The following ABITRAM variants were observed in gnomAD, a reference collection of about 807,000 sequenced individuals.
ABITRAM encodes actin binding transcription modulator, also known as protein Abitram.
A neutral mutation model predicts 22.9 loss-of-function variants in ABITRAM; 19 were observed. The observed-to-expected ratio is 0.83, with a 90% CI of 0.58 to 1.22. The LOEUF (loss-of-function observed/expected upper bound fraction) is 1.22. Among genes scored for constraint, ABITRAM ranks in the 50% most tolerant of loss-of-function variants. ABITRAM has a pLI of 0.00. For missense variants in ABITRAM, 215 were observed against 220.2 expected, an observed-to-expected ratio of 0.98 and a Z score of 0.15; for synonymous variants, 70 against 73.9, an observed-to-expected ratio of 0.95 and a Z score of 0.27.
Position 108,934,600 on chromosome 9 carries a change from G to T in ABITRAM, c.79+35G>T, listed in dbSNP as rs748708421. On this transcript the variant is annotated intron_variant, in intron 1 of 5. Coordinates refer to ENST00000322940, the MANE Select transcript of ABITRAM (RefSeq NM_017832.4). ...GAGTGATGTTGATCCCTCCTTGGCCGCACTGGCCTAATGCTGTGTAGACTA... is the reference window on the plus strand; with the variant it reads ...GAGTGATGTTGATCCCTCCTTGGCCTCACTGGCCTAATGCTGTGTAGACTA... 2.6e-6 allele frequency: 4 copies of T among 1,561,204 alleles called. No individual in the cohort carries two copies. The African/African-American group carries it at 4.2e-5, about 16-fold the overall frequency.
downstream of ABITRAM, among the ~76,000 whole-genome samples, chr9:108,945,302 TA>T (rs1830367754): frequency 6.6e-6 from 1 of 152,180 alleles, no homozygotes; most frequent in Non-Finnish European, 1.5e-5. Flanking sequence ...CATCATCCCA[TA>T]AACTTTAAAT....
rs371423612 is a variant in ABITRAM at position 108,950,607 on chromosome 9, G to T, written c.*14G>T. Reference sequence around the variant, plus strand: ...CCCCACTCTTAATCCTCCTTCTATAGGAAGGAATCTTCACGAGCACAGGAT... The same window carrying T: ...CCCCACTCTTAATCCTCCTTCTATATGAAGGAATCTTCACGAGCACAGGAT... On this transcript the variant is annotated 3_prime_UTR_variant, in exon 4 of 4. Coordinates refer to the ABITRAM transcript ENST00000374624. 5 of 1,549,244 alleles carry T rather than the reference G, an allele frequency of 3.2e-6. No individual in the cohort carries two copies. In the Admixed American group the frequency reaches 9.9e-5, roughly 31 times the overall value.
At chr9:108,936,883 C>T (rs1377108188) in intron 3 of ABITRAM, among the ~76,000 whole-genome samples, 1 of 151,916 alleles carries the variant, frequency 6.6e-6, no homozygotes, top group Non-Finnish European at 1.5e-5. Context: ...AAAACATGGG[C>T]CGGTCACAAT....
At chr9:108,947,278 G>A (rs545141800) in intron 3 of ABITRAM, among the ~76,000 whole-genome samples, 4 of 152,000 alleles carry the variant, frequency 2.6e-5, no homozygotes, top group South Asian at 2.1e-4. Context: ...CACACCCAGC[G>A]AATTTTGTGT....
chr9:108,935,686 A>C lies in ABITRAM; in HGVS notation c.128A>C (p.Asn43Thr). 6.2e-7 allele frequency: 1 copy of C among 1,612,068 alleles called. No individual in the cohort carries two copies. The highest frequency in any genetic ancestry group is 8.5e-7 in the Non-Finnish European group (1 of 1,178,770). The change falls in exon 2 of 6, where the codon AAC (asparagine) becomes ACC (threonine). Residue 43 changes from asparagine to threonine, a missense_variant. Transcript: ENST00000322940. ...GACCACTGTATACTACAGCACTCTA[A>C]CCGGTAAGCAAATTGGGAATTTTAA... is the stretch of plus-strand genomic sequence containing the variant. ...CEDHCILQHS[N>T]RICVITLAES...
Position 108,938,687 on chromosome 9 carries a change from C to T in ABITRAM, c.262-509C>T, listed in dbSNP as rs1361992941. On this transcript the variant is annotated intron_variant, in intron 3 of 5. Transcript: ENST00000322940. The stretch of plus-strand genomic sequence containing the variant: ...CCCTTACTAACACACTGGGGAATTA[C>T]AAAGGGGGGGGGGGGAAAGAACAAT... 3.9e-5 allele frequency among the ~76,000 whole-genome samples: 4 copies of T among 103,828 alleles called. No homozygotes were observed. The Admixed American group carries it at 4.7e-4, about 12-fold the overall frequency. 68.1% of individuals were successfully genotyped at this position (103,828 alleles called of 152,430 possible).
At chr9:108,943,893 G>C, downstream of ABITRAM, 1 of 1,596,560 alleles carries the variant, frequency 6.3e-7, no homozygotes, top group Non-Finnish European at 8.6e-7. Flanking sequence ...TTTATACATT[G>C]ATATTATACC....
At chr9:108,949,065 G>A (rs1365421222) in intron 3 of ABITRAM, among the ~76,000 whole-genome samples, 1 of 151,976 alleles carries the variant, frequency 6.6e-6, no homozygotes, top group African/African-American at 2.4e-5. Flanking sequence ...AAATTATTAA[G>A]AAATATGAAT....
chr9:108,943,583 C>A (rs1050511186), downstream of ABITRAM: 3 of 730,146 alleles, frequency 4.1e-6, no homozygotes, highest in Non-Finnish European at 6.5e-6. Context: ...TTCTTGTAGA[C>A]AAGGCATGAA....
At chr9:108,945,923 C>T (rs1207112114), downstream of ABITRAM, among the ~76,000 whole-genome samples, 1 of 152,158 alleles carries the variant, frequency 6.6e-6, no homozygotes, top group Non-Finnish European at 1.5e-5. Flanking sequence ...CCCTCTAAAT[C>T]TAGTGTTCTC....
intron 1 of ABITRAM, among the ~76,000 whole-genome samples, chr9:108,935,179 T>C (rs1455108094): frequency 2.0e-5 from 3 of 152,218 alleles, no homozygotes; most frequent in Non-Finnish European, 4.4e-5. Context: ...TTAAAAAATA[T>C]ATATTGTAGC....
intron 3 of ABITRAM, among the ~76,000 whole-genome samples, chr9:108,936,790 T>A (rs1025282497): frequency 4.0e-5 from 6 of 151,712 alleles, no homozygotes; most frequent in African/African-American, 1.5e-4. Flanking sequence ...AAAATTTAGG[T>A]GACTAACTCT....
chr9:108,937,926 A>G (rs893367176), intron 3 of ABITRAM, among the ~76,000 whole-genome samples: 2 of 150,548 alleles, frequency 1.3e-5, no homozygotes, highest in African/African-American at 4.9e-5. Flanking sequence ...TGAGCACAGG[A>G]GTCAAGGCTG....
At chr9:108,947,271 A>G (rs10979622) in intron 3 of ABITRAM, among the ~76,000 whole-genome samples, 11,497 of 151,936 alleles carry the variant, frequency 0.076, 510 homozygotes, top group Admixed American at 0.13. Flanking sequence ...CCGCCACCAC[A>G]CCCAGCGAAT....
chr9:108,936,203 G>A (rs1395158494), intron 2 of ABITRAM, 105 bp from the exon 3 acceptor site: 2 of 1,302,624 alleles, frequency 1.5e-6, no homozygotes, highest in Non-Finnish European at 2.1e-6. Context: ...GAAGATGATA[G>A]TTTGACTAAA....
downstream of ABITRAM, chr9:108,943,750 G>A (rs1220035978): frequency 2.5e-6 from 4 of 1,613,734 alleles, no homozygotes; most frequent in Non-Finnish European, 3.4e-6. Context: ...ACTGTCTGGA[G>A]CTGGTGGCAT....
intron 3 of ABITRAM, among the ~76,000 whole-genome samples, chr9:108,938,003 A>AG (rs1177194425): frequency 6.6e-6 from 1 of 151,446 alleles, no homozygotes; most frequent in African/African-American, 2.4e-5. Context: ...TCTCAAAAAA[A>AG]AAAAAAAAAA....
chr9:108,946,908 G>A (rs913226425), intron 3 of ABITRAM, among the ~76,000 whole-genome samples: 7 of 151,500 alleles, frequency 4.6e-5, no homozygotes, highest in Non-Finnish European at 1.0e-4. Flanking sequence ...AATGGACTTG[G>A]GCCAAACTGA....
intron 3 of ABITRAM, among the ~76,000 whole-genome samples, chr9:108,937,759 G>A (rs1235130006): frequency 1.3e-5 from 2 of 151,910 alleles, no homozygotes; most frequent in African/African-American, 4.8e-5. Flanking sequence ...AAGCCGAGGC[G>A]GGAAGATCAC....
Sources: allele counts gnomAD v4.1 joint callset (sites outside exome capture counted in the v4.1 genomes callset), GRCh38; gene constraint gnomAD v4.1.1; transcripts MANE v1.5; gene names NCBI Gene and HGNC (gene_info 2026-07-23, HGNC 2026-07-21).